Variants in CA10 observed in about 807,000 individuals in gnomAD.
CA10 encodes the protein carbonic anhydrase 10 (inactive).
Under a neutral mutation model 44.2 loss-of-function variants are expected in CA10, and 14 were observed. The ratio of observed to expected loss-of-function variants is 0.32; its 90% CI spans 0.21 to 0.50. The LOEUF (loss-of-function observed/expected upper bound fraction) is 0.50. Ranked by LOEUF, CA10 falls within the 20% of genes least tolerant of loss-of-function variation. CA10 has a pLI of 0.99. For synonymous variants in CA10, 159 were observed against 141.6 expected (o/e 1.12, Z -0.87); for missense variants, 350 against 409.7 (o/e 0.85, Z 1.26).
At chr17:51,793,460 T>C (rs1906597652) in intron 3 of CA10, among the ~76,000 whole-genome samples, 1 of 152,162 alleles carries the variant, frequency 6.6e-6, no homozygotes, top group South Asian at 2.1e-4. Context: ...GGAATGATAA[T>C]CCCTGACAAT....
chr17:52,137,042 T>C (rs1197687019), intron 1 of CA10, among the ~76,000 whole-genome samples: 4 of 152,156 alleles, frequency 2.6e-5, no homozygotes, highest in African/African-American at 4.8e-5. Context: ...TGTATTTCTA[T>C]AGCTCATTTT....
intron 3 of CA10, among the ~76,000 whole-genome samples, chr17:51,767,924 T>C (rs74843904): frequency 0.028 from 4,284 of 152,144 alleles, 178 homozygotes; most frequent in African/African-American, 0.087. Context: ...AATGTGAGCA[T>C]TGGGGAGTGG....
At chr17:51,813,319 C>T (rs563873697) in intron 3 of CA10, among the ~76,000 whole-genome samples, 1 of 152,232 alleles carries the variant, frequency 6.6e-6, no homozygotes, top group Non-Finnish European at 1.5e-5. Context: ...CAGTACTGCA[C>T]ACCTACGGTG....
chr17:52,074,543 A>C (rs1468871701), intron 1 of CA10, among the ~76,000 whole-genome samples: 1 of 152,210 alleles, frequency 6.6e-6, no homozygotes, highest in Non-Finnish European at 1.5e-5. Flanking sequence ...TCTACGAGAC[A>C]GTCATTGGGG....
At chr17:51,944,795 C>T (rs949265453) in intron 2 of CA10, among the ~76,000 whole-genome samples, 2 of 152,098 alleles carry the variant, frequency 1.3e-5, no homozygotes, top group Admixed American at 1.3e-4. Context: ...GTAGTACTTT[C>T]AGAGTTAAAA....
intron 2 of CA10, among the ~76,000 whole-genome samples, chr17:52,026,272 A>G (rs1986298012): frequency 6.6e-6 from 1 of 152,186 alleles, no homozygotes; most frequent in Non-Finnish European, 1.5e-5. Context: ...AATGTGCACT[A>G]GAGTAAAATT....
chr17:51,917,130 T>C (rs773072910), intron 3 of CA10, among the ~76,000 whole-genome samples: 2 of 152,154 alleles, frequency 1.3e-5, no homozygotes, highest in Non-Finnish European at 2.9e-5. Flanking sequence ...GCTCTCCAGA[T>C]AAAAAAGGGG....
At chr17:51,945,892 A>T (rs1215814704) in intron 2 of CA10, among the ~76,000 whole-genome samples, 1 of 152,092 alleles carries the variant, frequency 6.6e-6, no homozygotes, top group Non-Finnish European at 1.5e-5. Flanking sequence ...ACAAAAACAC[A>T]CTTAGGAAAG....
At chr17:52,045,601 A>T (rs1235497380) in intron 2 of CA10, among the ~76,000 whole-genome samples, 1 of 152,036 alleles carries the variant, frequency 6.6e-6, no homozygotes, top group Admixed American at 6.6e-5. Flanking sequence ...GTGCTTCAAA[A>T]TAAATAAAGA....
At chr17:52,106,208 A>G (rs1326657415) in intron 1 of CA10, among the ~76,000 whole-genome samples, 1 of 152,100 alleles carries the variant, frequency 6.6e-6, no homozygotes, top group Non-Finnish European at 1.5e-5. Flanking sequence ...CTCCACACTG[A>G]TTTTGCCTGT....
intron 4 of CA10, among the ~76,000 whole-genome samples, chr17:51,741,012 C>A (rs1389562878): frequency 1.3e-5 from 2 of 152,172 alleles, no homozygotes; most frequent in Non-Finnish European, 1.5e-5. Context: ...TGTCTCCCCC[C>A]GCTAGACTAT....
chr17:52,057,823 C>T (rs71381365), intron 2 of CA10, among the ~76,000 whole-genome samples: 6,286 of 152,164 alleles, frequency 0.041, 185 homozygotes, highest in Middle Eastern at 0.099. Flanking sequence ...CCAGACAATG[C>T]ACGCTGTTAC....
chr17:51,910,323 T>C (rs1567881613), intron 3 of CA10, among the ~76,000 whole-genome samples: 2 of 151,836 alleles, frequency 1.3e-5, no homozygotes, highest in Non-Finnish European at 2.9e-5. Context: ...TGGTAACTGA[T>C]AACAACGAAA....
At chr17:52,030,084 C>T (rs1986419056) in intron 2 of CA10, among the ~76,000 whole-genome samples, 1 of 152,162 alleles carries the variant, frequency 6.6e-6, no homozygotes, top group African/African-American at 2.4e-5. Context: ...AGGGATGAAA[C>T]ATAGGCGTGT....
chr17:52,150,991 T>C (rs1162956292), intron 1 of CA10, among the ~76,000 whole-genome samples: 1 of 152,048 alleles, frequency 6.6e-6, no homozygotes, highest in African/African-American at 2.4e-5. Context: ...ATCTATTAGG[T>C]CAGGATTTTT....
intron 2 of CA10, among the ~76,000 whole-genome samples, chr17:52,069,421 G>C (rs1419291783): frequency 1.3e-5 from 2 of 152,170 alleles, no homozygotes; most frequent in Non-Finnish European, 2.9e-5. Flanking sequence ...CTGCCTGCAA[G>C]ACAGACTCTA....
At chr17:51,829,993 T>C (rs558790921) in intron 3 of CA10, among the ~76,000 whole-genome samples, 7 of 151,868 alleles carry the variant, frequency 4.6e-5, no homozygotes, top group Non-Finnish European at 8.8e-5. Flanking sequence ...GGTTAAGAGA[T>C]CGAGACCATT....
chr17:52,128,804 C>T (rs1185690173), intron 1 of CA10, among the ~76,000 whole-genome samples: 1 of 152,126 alleles, frequency 6.6e-6, no homozygotes, highest in African/African-American at 2.4e-5. Context: ...CTTTATTCTG[C>T]TTTCCAGCTC....
In CA10 at chr17:52,119,968, A is replaced by T. The variant is rs1034566009; in HGVS notation, c.61+37758T>A. On this transcript the variant is annotated intron_variant, in intron 1 of 8. Transcript: ENST00000451037. ...GATGAGTAATGTAAAAATCTGGATC[A>T]AATAGTCTAGTTCTGGGCAATTACC... Among the ~76,000 whole-genome samples, 15 of 152,336 alleles carry T rather than the reference A, an allele frequency of 9.8e-5. No individual in the cohort carries two copies. The East Asian group carries it at 1.2e-3, about 12-fold the overall frequency.
Sources: allele counts gnomAD v4.1 joint callset (sites outside exome capture counted in the v4.1 genomes callset), GRCh38; gene constraint gnomAD v4.1.1; transcripts MANE v1.5; gene names NCBI Gene and HGNC (gene_info 2026-07-23, HGNC 2026-07-21).